Variants in MEGF11 observed in about 807,000 individuals in gnomAD.
MEGF11 encodes the protein multiple epidermal growth factor-like domains protein 11.
MEGF11 carries 126 observed loss-of-function variants against 146.6 expected under a neutral mutation model. That is an observed-to-expected ratio of 0.86 (90% CI 0.74 to 1.00). The LOEUF (loss-of-function observed/expected upper bound fraction) is 1.00, where lower values mean the gene tolerates loss of function less well. Ranked by LOEUF, MEGF11 falls within the 50% of genes least tolerant of loss-of-function variation. The probability of loss-of-function intolerance (pLI) is 0.00; values close to 1 mark genes in which losing one functional copy is unlikely to be tolerated. For missense variants in MEGF11, 1,509 were observed against 1,521.2 expected, an observed-to-expected ratio of 0.99 and a Z score of 0.13; for synonymous variants, 532 against 583.4, an observed-to-expected ratio of 0.91 and a Z score of 1.27.
At chr15:66,048,156 G>C (rs2084295622) in intron 5 of MEGF11, among the ~76,000 whole-genome samples, 1 of 152,186 alleles carries the variant, frequency 6.6e-6, no homozygotes, top group Non-Finnish European at 1.5e-5. Flanking sequence ...ATGTTGGCCA[G>C]GCTGCTCTTG....
rs2082193839 is a variant in MEGF11, at chr15:65,996,236, G to C, written c.395-13748C>G. ...TCAGAGTCACCTGGGGAAATCCGTA[G>C]GGCAGGGATGAGAAGAGCACGTCCA... On this transcript the variant is annotated intron_variant, in intron 5 of 25. Coordinates refer to ENST00000395614, the MANE Select transcript of MEGF11 (RefSeq NM_001385028.1). 2.0e-5 allele frequency among the ~76,000 whole-genome samples: 3 copies of C among 152,210 alleles called. No homozygotes were observed. In the South Asian group the frequency reaches 6.2e-4, roughly 32 times the overall value.
At chr15:65,898,162 A>G (rs757627587) in intron 25 of MEGF11, 68 bp from the exon 26 acceptor site, 20 of 1,526,046 alleles carry the variant, frequency 1.3e-5, no homozygotes, top group Admixed American at 1.1e-4. Flanking sequence ...GGAGAGGAAG[A>G]GAGTTCTACT....
chr15:66,116,210 G>A (rs775892006), intron 4 of MEGF11, among the ~76,000 whole-genome samples: 26 of 152,114 alleles, frequency 1.7e-4, no homozygotes, highest in Non-Finnish European at 3.7e-4. Context: ...CTCTCCTGCC[G>A]CGCTTGACTG....
intron 5 of MEGF11, among the ~76,000 whole-genome samples, chr15:66,065,334 G>A (rs1369973226): frequency 6.6e-6 from 1 of 152,024 alleles, no homozygotes; most frequent in Non-Finnish European, 1.5e-5. Context: ...TTATCTCCAG[G>A]AGCAAATAAA....
At chr15:65,968,252 A>T (rs575827647) in intron 8 of MEGF11, among the ~76,000 whole-genome samples, 1 of 152,256 alleles carries the variant, frequency 6.6e-6, no homozygotes, top group South Asian at 2.1e-4. Context: ...TGAAGACCCA[A>T]ATAATCACTA....
chr15:66,178,840 G>A (rs191057245), intron 1 of MEGF11, among the ~76,000 whole-genome samples: 223 of 152,172 alleles, frequency 1.5e-3, no homozygotes, highest in African/African-American at 5.0e-3. Context: ...GAAGTGATTC[G>A]GAAAAAAGGT....
intron 1 of MEGF11, among the ~76,000 whole-genome samples, chr15:66,246,480 C>T (rs962899430): frequency 2.6e-5 from 4 of 151,858 alleles, no homozygotes; most frequent in African/African-American, 7.3e-5. Flanking sequence ...TTCATGATGG[C>T]GGCCAGGCAT....
rs1379977685 is a variant in MEGF11, at chr15:65,929,768, G to A, written c.1524C>T (p.Cys508=). 2 of 1,554,802 alleles carry A rather than the reference G, an allele frequency of 1.3e-6. No individual in the cohort carries two copies. Residue 508 remains cysteine, a synonymous_variant, in exon 12 of 26, where the codon TGC becomes TGT. Transcript: ENST00000395614. ...CTCCCAGCCAGCCAGGAGTGCAGGA[G>A]CAGGAGCCGTCTATGGGGCTGCAGG... ...GAACSPIDGS[C]SCTPGWLGDT... is the part of the protein sequence containing the mutation.
chr15:66,152,270 C>T (rs2089598228), intron 1 of MEGF11, among the ~76,000 whole-genome samples: 1 of 152,080 alleles, frequency 6.6e-6, no homozygotes, highest in Admixed American at 6.5e-5. Context: ...ATCCCTAGTG[C>T]CCTCAGAGGG....
chr15:65,924,372 GT>G (rs1186716410), intron 13 of MEGF11, among the ~76,000 whole-genome samples: 1 of 136,804 alleles, frequency 7.3e-6, no homozygotes, highest in East Asian at 2.5e-4. Context: ...TGGGGTGTGG[GT>G]GGGGGGGGGG....
At chr15:65,993,316 A>G (rs2082110656) in intron 5 of MEGF11, among the ~76,000 whole-genome samples, 1 of 152,146 alleles carries the variant, frequency 6.6e-6, no homozygotes, top group Admixed American at 6.5e-5. Context: ...GGACCCAGGG[A>G]CCCAGAAAGC....
intron 8 of MEGF11, among the ~76,000 whole-genome samples, chr15:65,965,595 TCTTTCTTTTTTTTTTTTC>T (rs1455073099): frequency 3.0e-4 from 10 of 33,124 alleles, no homozygotes; most frequent in African/African-American, 5.1e-4. Context: ...TTTCTTTCTT[TCTTTCTTTTTTTTTTTTC>T]TTTTTTTTTT....
chr15:66,193,411 C>T (rs903947761), intron 1 of MEGF11, among the ~76,000 whole-genome samples: 51 of 152,194 alleles, frequency 3.4e-4, no homozygotes, highest in Non-Finnish European at 1.2e-4. Flanking sequence ...ACAAGAGGTA[C>T]AAGGTTAAGT....
intron 5 of MEGF11, among the ~76,000 whole-genome samples, chr15:66,047,840 C>A (rs333605): frequency 0.079 from 12,031 of 152,270 alleles, 550 homozygotes; most frequent in Middle Eastern, 0.11. Flanking sequence ...TCTTGGCCTA[C>A]ATGCCCTCCC....
chr15:65,951,222 A>C (rs1366875895), intron 10 of MEGF11, among the ~76,000 whole-genome samples: 1 of 152,206 alleles, frequency 6.6e-6, no homozygotes, highest in Non-Finnish European at 1.5e-5. Context: ...GATTTCCTGA[A>C]AGGCTGAGAA....
At chr15:66,131,935 A>G (rs1443306773) in intron 1 of MEGF11, among the ~76,000 whole-genome samples, 1 of 152,202 alleles carries the variant, frequency 6.6e-6, no homozygotes, top group African/African-American at 2.4e-5. Context: ...GTCTGAAGAA[A>G]GGCCTGGTGC....
chr15:65,964,485 T>TCTGGTTGGATG (rs781361465), intron 9 of MEGF11, among the ~76,000 whole-genome samples: 81 of 151,746 alleles, frequency 5.3e-4, no homozygotes, highest in Non-Finnish European at 1.1e-3. Flanking sequence ...GGTGCCCGTG[T>TCTGGTTGGATG]CTCTGGTTGG....
chr15:65,928,576 G>A (rs2141291563), intron 12 of MEGF11, 49 bp from the exon 13 acceptor site: 1 of 1,326,578 alleles, frequency 7.5e-7, no homozygotes, highest in Non-Finnish European at 1.1e-6. Flanking sequence ...AACCTCCAGA[G>A]GTTTGTGTAC....
At chr15:65,977,922 T>C (rs2081506130) in intron 7 of MEGF11, among the ~76,000 whole-genome samples, 1 of 152,192 alleles carries the variant, frequency 6.6e-6, no homozygotes, top group Non-Finnish European at 1.5e-5. Flanking sequence ...TTTCTCTGCT[T>C]TGAAAGGTCT....
Sources: allele counts gnomAD v4.1 joint callset (sites outside exome capture counted in the v4.1 genomes callset), GRCh38; gene constraint gnomAD v4.1.1; transcripts MANE v1.5; gene names NCBI Gene and HGNC (gene_info 2026-07-23, HGNC 2026-07-21).